RGS3: variants seen among roughly 807,000 people sequenced by gnomAD.
RGS3 encodes the protein regulator of G-protein signalling 3.
RGS3 carries 80 observed loss-of-function variants against 132.6 expected under a neutral mutation model. That is an observed-to-expected ratio of 0.60 (90% CI 0.50 to 0.73). RGS3 has a LOEUF of 0.73. Among genes scored for constraint, RGS3 ranks in the 30% least tolerant of loss-of-function variants. The pLI, the probability that RGS3 is intolerant of heterozygous loss-of-function variation, is 0.00. For missense variants in RGS3, 1,382 were observed against 1,530.8 expected (o/e 0.90, Z 1.62); for synonymous variants, 598 against 620.6 (o/e 0.96, Z 0.54).
At chr9:113,575,714 C>G (rs1372597939) in intron 19 of RGS3, among the ~76,000 whole-genome samples, 2 of 152,226 alleles carry the variant, frequency 1.3e-5, no homozygotes, top group African/African-American at 4.8e-5. Flanking sequence ...TGACGCCACT[C>G]TCCAGAATTG....
chr9:113,574,221 A>T (rs925176693), intron 19 of RGS3, among the ~76,000 whole-genome samples: 5 of 152,166 alleles, frequency 3.3e-5, no homozygotes, highest in African/African-American at 9.7e-5. Context: ...CATTGCTTTC[A>T]GGGTAACGTT....
chr9:113,485,537 T>C, intron 6 of RGS3, 88 bp from the exon 5 acceptor site: 1 of 985,550 alleles, frequency 1.0e-6, no homozygotes, highest in Non-Finnish European at 1.5e-6. Context: ...TACTTCCACA[T>C]TTTTGGAATT....
In RGS3 at chr9:113,579,737, G is replaced by A. The variant is rs2118949700; in HGVS notation, c.2038-3713G>A. Among the ~76,000 whole-genome samples, 1 of 152,270 alleles carries A rather than the reference G, an allele frequency of 6.6e-6. No individual in the cohort carries two copies. Among genetic ancestry groups the A allele is most frequent in the Non-Finnish European group, 1.5e-5 (1 of 68,020 alleles). On this transcript the variant is annotated intron_variant, in intron 19 of 24. Transcript: ENST00000350696. This position sits in a 1 kb window ranked among gnomAD's most constrained non-coding sequence, Gnocchi z 4.3. ...CTCTGTTTTTTCTACTTAACTGAGG[G>A]CAGAGATTGTGTCTGACTTGTTCCC...
intron 3 of RGS3, 104 bp from the exon 2 acceptor site, chr9:113,479,387 G>A: frequency 1.7e-6 from 2 of 1,174,928 alleles, no homozygotes; most frequent in Non-Finnish European, 2.5e-6. Context: ...TCTTTGAATG[G>A]CTTCACATGA....
chr9:113,566,955 G>A (rs1372090551), intron 19 of RGS3, among the ~76,000 whole-genome samples: 1 of 152,222 alleles, frequency 6.6e-6, no homozygotes, highest in Non-Finnish European at 1.5e-5. Flanking sequence ...CTAGCACATG[G>A]TGTGGCTTAG....
At chr9:113,476,461 G>A (rs1447493980) in intron 3 of RGS3, among the ~76,000 whole-genome samples, 1 of 152,174 alleles carries the variant, frequency 6.6e-6, no homozygotes, top group African/African-American at 2.4e-5. Flanking sequence ...GCCGAGGGAG[G>A]GATCTTGTGA....
chr9:113,595,022 C>T (rs753346814), intron 23 of RGS3, 42 bp downstream of exon 21: 3 of 1,584,078 alleles, frequency 1.9e-6, no homozygotes, highest in South Asian at 1.1e-5. Flanking sequence ...CCCTCTCTCC[C>T]TCTCCCCTTC....
chr9:113,490,994 T>C (rs1183282498), intron 7 of RGS3, among the ~76,000 whole-genome samples: 2 of 134,308 alleles, frequency 1.5e-5, no homozygotes, highest in East Asian at 2.1e-4. Flanking sequence ...TATATATTGG[T>C]ATATATAATT....
rs375515930 is a variant in RGS3 at position 113,463,592 on chromosome 9, C to A, written c.415+1391C>A. On this transcript the variant is annotated intron_variant, in intron 3 of 24. Transcript: ENST00000350696. This position sits in a 1 kb window ranked among gnomAD's most constrained non-coding sequence, Gnocchi z 4.6. ...CGCGGGTCGGCGGCGCCGCCTCCCC[C>A]ACCCCGGCCCAGCTCTGCTCCGGCA... The A allele has an allele frequency of 3.1e-6, 3 of 980,844 alleles. No homozygotes were observed. Among genetic ancestry groups the A allele is most frequent in the Admixed American group, 4.3e-5 (1 of 23,278 alleles). 60.8% of individuals were successfully genotyped at this position (980,844 alleles called of 1,614,324 possible). A position where few individuals can be genotyped will look rare whatever the true frequency, so the allele number is the denominator to read the frequency against.
chr9:113,444,838 C>A (rs138151688), exon 1 of RGS3: 1 of 152,202 alleles, frequency 6.6e-6, no homozygotes, highest in South Asian at 2.1e-4. Context: ...AGGAAGGACA[C>A]GGCTATGTAG....
chr9:113,558,025 C>T (rs992408936), intron 19 of RGS3, among the ~76,000 whole-genome samples: 1 of 152,132 alleles, frequency 6.6e-6, no homozygotes, highest in Admixed American at 6.5e-5. Context: ...GAAGGCAAGT[C>T]GAGAGGCAGG....
chr9:113,563,197 C>A (rs542886498), intron 19 of RGS3, among the ~76,000 whole-genome samples: 1 of 152,210 alleles, frequency 6.6e-6, no homozygotes. Flanking sequence ...GGCAGAGCTG[C>A]TTTGCCCATC....
exon 20 of RGS3, chr9:113,584,058 A>G: frequency 6.2e-7 from 1 of 1,614,146 alleles, no homozygotes; most frequent in South Asian, 1.1e-5. Context: ...AGGAGGATGC[A>G]GAAGAGGCCG....
At chr9:113,478,015 CCTCT>C (rs1830047031) in intron 3 of RGS3, among the ~76,000 whole-genome samples, 1 of 151,964 alleles carries the variant, frequency 6.6e-6, no homozygotes, top group Non-Finnish European at 1.5e-5. Context: ...GGAGTGTGAC[CCTCT>C]CTCTCTTCTC....
At chr9:113,474,315 A>G (rs1388855691) in intron 3 of RGS3, among the ~76,000 whole-genome samples, 1 of 152,104 alleles carries the variant, frequency 6.6e-6, no homozygotes, top group Non-Finnish European at 1.5e-5. Context: ...CACTTTTTTG[A>G]ATGGAACTCA....
Position 113,495,834 on chromosome 9 carries a change from G to C in RGS3, c.738G>C (p.Leu246=), listed in dbSNP as rs771320308. ...TGAGCTTTGGGGTGAAGTCTCTCCT[G>C]ACTCCAGACAAGGTGGGTCCTAGGG... Residue 246 remains leucine (L), a synonymous_variant, in exon 8 of 25, where the codon CTG becomes CTC. Transcript: ENST00000350696. The C allele has an allele frequency of 3.7e-6, 6 of 1,614,112 alleles. No individual in the cohort carries two copies. In the South Asian group the frequency reaches 6.6e-5, roughly 18 times the overall value.
At chr9:113,478,563 C>A (rs1037427014) in intron 3 of RGS3, among the ~76,000 whole-genome samples, 1 of 152,106 alleles carries the variant, frequency 6.6e-6, no homozygotes, top group Admixed American at 6.6e-5. Flanking sequence ...AATCCCAGAA[C>A]TTTGGGAGGC....
At chr9:113,466,123 C>G (rs1829633619) in intron 3 of RGS3, among the ~76,000 whole-genome samples, 1 of 152,184 alleles carries the variant, frequency 6.6e-6, no homozygotes, top group South Asian at 2.1e-4. Context: ...AATATGAACA[C>G]TTAAGAAGCC....
chr9:113,559,926 A>G (rs1465708731), intron 19 of RGS3, among the ~76,000 whole-genome samples: 4 of 152,218 alleles, frequency 2.6e-5, no homozygotes, highest in African/African-American at 9.7e-5. Context: ...TAGCAATAAC[A>G]ATGATGGCTC....
Sources: gnomAD v4.1 joint callset for allele counts (sites outside exome capture counted in the v4.1 genomes callset) on GRCh38, gnomAD v4.1.1 for gene constraint, Gnocchi (gnomAD v3.1) non-coding constraint, MANE v1.5 for transcripts, NCBI Gene and HGNC (gene_info 2026-07-23, HGNC 2026-07-21) for gene names.